The following NOS1AP variants were observed in gnomAD, a reference collection of about 807,000 sequenced individuals.
NOS1AP encodes nitric oxide synthase 1 adaptor protein.
Under a neutral mutation model 56.2 loss-of-function variants are expected in NOS1AP, and 21 were observed. That is an observed-to-expected ratio of 0.37 (90% CI 0.26 to 0.54). The LOEUF is 0.54. NOS1AP is among the 20% of genes least tolerant of loss of function. The probability of loss-of-function intolerance (pLI) is 0.84; values close to 1 mark genes in which losing one functional copy is unlikely to be tolerated. For missense variants in NOS1AP, 522 were observed against 657.8 expected, an observed-to-expected ratio of 0.79 and a Z score of 2.26; for synonymous variants, 270 against 274.6, an observed-to-expected ratio of 0.98 and a Z score of 0.17.
intron 1 of NOS1AP, among the ~76,000 whole-genome samples, chr1:162,104,881 C>T (rs1159194026): frequency 6.6e-6 from 1 of 152,168 alleles, no homozygotes; most frequent in Non-Finnish European, 1.5e-5. Flanking sequence ...TTTGTTATTA[C>T]CCACTTTCTG....
At chr1:162,080,536 A>T (rs1691862659) in intron 1 of NOS1AP, among the ~76,000 whole-genome samples, 1 of 152,190 alleles carries the variant, frequency 6.6e-6, no homozygotes, top group South Asian at 2.1e-4. Context: ...CACTCCCCTA[A>T]TCCCACAGCA....
chr1:162,172,274 T>A (rs1328884539), intron 2 of NOS1AP, among the ~76,000 whole-genome samples: 1 of 152,178 alleles, frequency 6.6e-6, no homozygotes, highest in East Asian at 1.9e-4. Flanking sequence ...CATCTTAAAT[T>A]TTCACATTTT....
chr1:162,313,325 A>G (rs1477826086), intron 4 of NOS1AP, among the ~76,000 whole-genome samples: 2 of 152,260 alleles, frequency 1.3e-5, no homozygotes, highest in African/African-American at 4.8e-5. Context: ...GAAGAGTTTT[A>G]TAAAGGAAAG....
intron 1 of NOS1AP, among the ~76,000 whole-genome samples, chr1:162,104,131 A>G (rs1001146614): frequency 1.3e-5 from 2 of 152,160 alleles, no homozygotes; most frequent in Admixed American, 6.5e-5. Context: ...GCATTTGCTT[A>G]TCTGAAAAGG....
At chr1:162,319,823 G>A (rs566953460) in intron 4 of NOS1AP, among the ~76,000 whole-genome samples, 2 of 152,222 alleles carry the variant, frequency 1.3e-5, no homozygotes, top group East Asian at 1.9e-4. Flanking sequence ...ACACTGCACT[G>A]CCCTCACCTT....
chr1:162,217,333 G>A (rs1442359411), intron 2 of NOS1AP, among the ~76,000 whole-genome samples: 1 of 132,280 alleles, frequency 7.6e-6, no homozygotes, highest in African/African-American at 2.9e-5. Flanking sequence ...GCACGATCTC[G>A]GCTCACTGCC....
chr1:162,317,776 T>C (rs549327807), intron 4 of NOS1AP: 8 of 152,332 alleles, frequency 5.3e-5, no homozygotes, highest in African/African-American at 1.9e-4. Flanking sequence ...ACGTTTCTGG[T>C]TCCTTCCTAT....
chr1:162,340,694 G>A (rs1657082864), intron 5 of NOS1AP, among the ~76,000 whole-genome samples: 1 of 152,178 alleles, frequency 6.6e-6, no homozygotes, highest in South Asian at 2.1e-4. Flanking sequence ...GCTGAAGGAT[G>A]GGATGCCCTT....
chr1:162,288,604 C>G (rs989061072), intron 3 of NOS1AP, among the ~76,000 whole-genome samples: 73 of 152,210 alleles, frequency 4.8e-4, no homozygotes, highest in African/African-American at 1.7e-3. Flanking sequence ...GGGAAATTTA[C>G]TACTTCCTGA....
chr1:162,197,013 G>A (rs921004552), intron 2 of NOS1AP, among the ~76,000 whole-genome samples: 2 of 152,140 alleles, frequency 1.3e-5, no homozygotes, highest in Non-Finnish European at 2.9e-5. Context: ...GAGTTTGTCG[G>A]TGGCTCTCCT....
chr1:162,211,201 A>G (rs560482265), intron 2 of NOS1AP, among the ~76,000 whole-genome samples: 1 of 152,318 alleles, frequency 6.6e-6, no homozygotes, highest in South Asian at 2.1e-4. Context: ...AAAATATCAC[A>G]GGCTAGGTGG....
chr1:162,112,792 C>T (rs1337960383), intron 1 of NOS1AP, among the ~76,000 whole-genome samples: 1 of 152,212 alleles, frequency 6.6e-6, no homozygotes, highest in East Asian at 1.9e-4. Context: ...AGAACTCCCT[C>T]AAATATAGAT....
At chr1:162,332,376 C>T (rs374267837) in intron 4 of NOS1AP, among the ~76,000 whole-genome samples, 5 of 152,134 alleles carry the variant, frequency 3.3e-5, no homozygotes, top group Admixed American at 1.3e-4. Context: ...GCATTGTCTA[C>T]GTGTAAGCTC....
intron 2 of NOS1AP, among the ~76,000 whole-genome samples, chr1:162,206,098 C>T (rs749286433): frequency 2.0e-5 from 3 of 152,004 alleles, no homozygotes; most frequent in Non-Finnish European, 2.9e-5. Context: ...GAATGTTATC[C>T]GGTAACTGGA....
intron 2 of NOS1AP, among the ~76,000 whole-genome samples, chr1:162,258,675 C>T (rs1257221573): frequency 6.6e-6 from 1 of 152,178 alleles, no homozygotes; most frequent in African/African-American, 2.4e-5. Flanking sequence ...GCTTGGGTGA[C>T]ATTCTGACAG....
chr1:162,293,187 G>A (rs1655332406), intron 3 of NOS1AP, among the ~76,000 whole-genome samples: 1 of 152,126 alleles, frequency 6.6e-6, no homozygotes, highest in Non-Finnish European at 1.5e-5. Context: ...CTATCTAGAA[G>A]CATGGAGAAC....
At chr1:162,191,107 C>CAT (rs1557826619) in intron 2 of NOS1AP, among the ~76,000 whole-genome samples, 2 of 152,176 alleles carry the variant, frequency 1.3e-5, no homozygotes, top group African/African-American at 4.8e-5. Context: ...GGTCCACCAC[C>CAT]GTCTAACACC....
intron 2 of NOS1AP, among the ~76,000 whole-genome samples, chr1:162,279,849 G>A (rs1019856465): frequency 3.3e-5 from 5 of 152,158 alleles, no homozygotes; most frequent in African/African-American, 1.2e-4. Flanking sequence ...AACAAGCACA[G>A]AGCCAAGAGT....
intron 2 of NOS1AP, among the ~76,000 whole-genome samples, chr1:162,286,731 A>G (rs1254914714): frequency 1.3e-5 from 2 of 152,216 alleles, no homozygotes; most frequent in Admixed American, 1.3e-4. Flanking sequence ...TTTGTCAATT[A>G]AAAATATAAT....
Sources: allele counts gnomAD v4.1 joint callset (sites outside exome capture counted in the v4.1 genomes callset), GRCh38; gene constraint gnomAD v4.1.1; transcripts MANE v1.5; gene names NCBI Gene and HGNC (gene_info 2026-07-23, HGNC 2026-07-21).